Variants in DSCAM observed in about 807,000 individuals in gnomAD.
DSCAM encodes the protein DS cell adhesion molecule.
Under a neutral mutation model 217.7 loss-of-function variants are expected in DSCAM, and 47 were observed. The ratio of observed to expected loss-of-function variants is 0.22; its 90% CI spans 0.17 to 0.28. The LOEUF (loss-of-function observed/expected upper bound fraction) is 0.28, where lower values mean the gene tolerates loss of function less well. Among genes scored for constraint, DSCAM ranks in the 10% least tolerant of loss-of-function variants. The pLI, the probability that DSCAM is intolerant of heterozygous loss-of-function variation, is 1.00. For missense variants in DSCAM, 2,080 were observed against 2,618.3 expected, an observed-to-expected ratio of 0.79 and a Z score of 4.49; for synonymous variants, 1,056 against 1,015.3, an observed-to-expected ratio of 1.04 and a Z score of -0.76.
chr21:40,726,082 C>T (rs928241564), intron 1 of DSCAM, among the ~76,000 whole-genome samples: 4 of 151,996 alleles, frequency 2.6e-5, no homozygotes, highest in African/African-American at 9.7e-5. Context: ...AGAAATCAGT[C>T]CAGATTAAAG....
At chr21:40,280,613 T>A (rs371794891) in intron 10 of DSCAM, among the ~76,000 whole-genome samples, 1 of 152,352 alleles carries the variant, frequency 6.6e-6, no homozygotes, top group South Asian at 2.1e-4. Context: ...GATTAGGGAA[T>A]CTGAATTTTT....
At chr21:40,537,917 A>G (rs1003923958) in intron 3 of DSCAM, among the ~76,000 whole-genome samples, 1 of 152,212 alleles carries the variant, frequency 6.6e-6, no homozygotes, top group African/African-American at 2.4e-5. Flanking sequence ...CATTATATGA[A>G]GTAGTCCTCC....
chr21:40,431,367 T>C (rs1410776550), intron 3 of DSCAM, among the ~76,000 whole-genome samples: 3 of 149,582 alleles, frequency 2.0e-5, no homozygotes, highest in African/African-American at 7.3e-5. Flanking sequence ...CTCAGCCTAC[T>C]CAATGTGAAA....
intron 16 of DSCAM, among the ~76,000 whole-genome samples, chr21:40,151,256 A>G (rs73225239): frequency 0.044 from 6,733 of 152,122 alleles, 199 homozygotes; most frequent in African/African-American, 0.077. Context: ...TCTTTCAAAG[A>G]ATACCCCCAC....
intron 3 of DSCAM, among the ~76,000 whole-genome samples, chr21:40,430,550 C>T (rs889325717): frequency 5.3e-5 from 8 of 152,348 alleles, no homozygotes; most frequent in Admixed American, 1.3e-4. Context: ...GCTCTCCTTG[C>T]TCCTCAGCTT....
chr21:40,656,056 C>T (rs769873229), intron 3 of DSCAM, among the ~76,000 whole-genome samples: 2 of 151,930 alleles, frequency 1.3e-5, no homozygotes, highest in Non-Finnish European at 2.9e-5. Context: ...TGTCTCAAAA[C>T]AAAACAAAAA....
At chr21:40,111,965 T>C (rs145858222) in intron 20 of DSCAM, among the ~76,000 whole-genome samples, 18,116 of 151,156 alleles carry the variant, frequency 0.12, 1,186 homozygotes, top group Non-Finnish European at 0.16. Context: ...ACAATAATAA[T>C]GGGAGACTTT....
chr21:40,316,862 T>C (rs2074202696), intron 8 of DSCAM, among the ~76,000 whole-genome samples: 1 of 152,206 alleles, frequency 6.6e-6, no homozygotes, highest in Non-Finnish European at 1.5e-5. Context: ...TCTTGTCTCT[T>C]AAAAATTAAT....
chr21:40,217,408 T>C (rs2091253384), intron 11 of DSCAM, among the ~76,000 whole-genome samples: 1 of 152,230 alleles, frequency 6.6e-6, no homozygotes, highest in Admixed American at 6.5e-5. Flanking sequence ...TCAAACGTCC[T>C]GCTTTTTTTA....
At chr21:40,132,560 T>C (rs1248390794) in intron 19 of DSCAM, among the ~76,000 whole-genome samples, 1 of 152,180 alleles carries the variant, frequency 6.6e-6, no homozygotes, top group African/African-American at 2.4e-5. Context: ...CTGTGCATTT[T>C]AGAAAAAAAC....
chr21:40,617,511 G>C (rs909313856), intron 3 of DSCAM, among the ~76,000 whole-genome samples: 1 of 152,172 alleles, frequency 6.6e-6, no homozygotes, highest in Non-Finnish European at 1.5e-5. Context: ...TCTAGGACCC[G>C]AGCAGGACAC....
chr21:40,018,032 G>GATGA (rs3988431), intron 32 of DSCAM, among the ~76,000 whole-genome samples: 1 of 151,792 alleles, frequency 6.6e-6, no homozygotes, highest in East Asian at 1.9e-4. Context: ...GTTCCTGAAA[G>GATGA]AATTTGAGTT....
intron 3 of DSCAM, among the ~76,000 whole-genome samples, chr21:40,495,643 G>A (rs1200345195): frequency 2.0e-5 from 3 of 151,988 alleles, no homozygotes; most frequent in Non-Finnish European, 4.4e-5. Flanking sequence ...GCCCACTCTT[G>A]TCCTTTCTGT....
At chr21:40,058,481 T>G (rs1205283372) in intron 28 of DSCAM, among the ~76,000 whole-genome samples, 1 of 152,224 alleles carries the variant, frequency 6.6e-6, no homozygotes, top group Admixed American at 6.5e-5. Flanking sequence ...TCACCTGCTC[T>G]GTTTCCTGTG....
chr21:40,491,783 G>C (rs2076078081), intron 3 of DSCAM, among the ~76,000 whole-genome samples: 1 of 152,024 alleles, frequency 6.6e-6, no homozygotes, highest in South Asian at 2.1e-4. Flanking sequence ...CATTTCACCA[G>C]CAACTTCCCT....
chr21:40,131,052 G>T (rs2090149871), intron 19 of DSCAM, among the ~76,000 whole-genome samples: 1 of 152,178 alleles, frequency 6.6e-6, no homozygotes, highest in African/African-American at 2.4e-5. Flanking sequence ...TATTGAGAAA[G>T]AACTGAGCAA....
intron 11 of DSCAM, among the ~76,000 whole-genome samples, chr21:40,243,335 T>C (rs1411138670): frequency 6.6e-6 from 1 of 152,220 alleles, no homozygotes; most frequent in Non-Finnish European, 1.5e-5. Context: ...ATTTCCTTGA[T>C]TGGATTGTTT....
At chr21:40,391,970 T>C (rs1396738820) in intron 3 of DSCAM, among the ~76,000 whole-genome samples, 2 of 152,208 alleles carry the variant, frequency 1.3e-5, no homozygotes, top group African/African-American at 4.8e-5. Flanking sequence ...AAAAAGAGCA[T>C]GGAGTTCGGG....
intron 3 of DSCAM, among the ~76,000 whole-genome samples, chr21:40,455,123 A>G (rs2075752759): frequency 6.6e-6 from 1 of 152,224 alleles, no homozygotes; most frequent in African/African-American, 2.4e-5. Context: ...AAAGCGAGAC[A>G]TAGATCAAGA....
Sources: allele counts gnomAD v4.1 joint callset (sites outside exome capture counted in the v4.1 genomes callset), GRCh38; gene constraint gnomAD v4.1.1; transcripts MANE v1.5; gene names NCBI Gene and HGNC (gene_info 2026-07-23, HGNC 2026-07-21).